Variants in NRXN1 observed in about 807,000 individuals in gnomAD.
The protein encoded by NRXN1 is neurexin-1.
Under a neutral mutation model 150.9 loss-of-function variants are expected in NRXN1, and 39 were observed. That is an observed-to-expected ratio of 0.26 (90% CI 0.20 to 0.34). The LOEUF (loss-of-function observed/expected upper bound fraction) is 0.34, where lower values mean the gene tolerates loss of function less well. Ranked by LOEUF, NRXN1 falls within the 10% of genes least tolerant of loss-of-function variation. The pLI, the probability that NRXN1 is intolerant of heterozygous loss-of-function variation, is 1.00. For missense variants in NRXN1, 1,815 were observed against 1,949.9 expected (o/e 0.93, Z 1.30); for synonymous variants, 924 against 757.0 (o/e 1.22, Z -3.62).
intron 17 of NRXN1, among the ~76,000 whole-genome samples, chr2:50,249,908 G>T (rs1228029826): frequency 6.6e-6 from 1 of 152,012 alleles, no homozygotes; most frequent in Non-Finnish European, 1.5e-5. Flanking sequence ...AAAGTGTTGG[G>T]ATTACAGGCG....
chr2:50,536,853 A>G (rs1391519441), intron 10 of NRXN1, among the ~76,000 whole-genome samples: 1 of 152,182 alleles, frequency 6.6e-6, no homozygotes, highest in Non-Finnish European at 1.5e-5. Flanking sequence ...ACTAAACTAT[A>G]TAGAAATAGC....
chr2:50,579,598 A>G (rs1255487761), intron 8 of NRXN1, among the ~76,000 whole-genome samples: 3 of 152,208 alleles, frequency 2.0e-5, no homozygotes, highest in African/African-American at 7.2e-5. Context: ...ATAGTGAGCC[A>G]AGATCACACC....
At chr2:50,530,076 T>C (rs2105197648) in intron 11 of NRXN1, among the ~76,000 whole-genome samples, 1 of 152,256 alleles carries the variant, frequency 6.6e-6, no homozygotes, top group Non-Finnish European at 1.5e-5. Flanking sequence ...TCAAATTTCA[T>C]TTTTCCCTCT....
intron 18 of NRXN1, among the ~76,000 whole-genome samples, chr2:50,134,156 A>C (rs1706007480): frequency 6.6e-6 from 1 of 152,084 alleles, no homozygotes; most frequent in South Asian, 2.1e-4. Flanking sequence ...TCAGTAAAGG[A>C]ATATAACTAT....
intron 17 of NRXN1, among the ~76,000 whole-genome samples, chr2:50,415,468 G>C (rs757533738): frequency 1.1e-4 from 16 of 152,116 alleles, no homozygotes; most frequent in Non-Finnish European, 1.6e-4. Context: ...CAGAAGCTGT[G>C]ATAAAGATAT....
chr2:49,983,820 C>A (rs1375648258), intron 21 of NRXN1, among the ~76,000 whole-genome samples: 1 of 152,092 alleles, frequency 6.6e-6, no homozygotes, highest in Non-Finnish European at 1.5e-5. Flanking sequence ...TAACATATAT[C>A]ACTGTGCATT....
chr2:50,793,712 T>C (rs1706392542), intron 5 of NRXN1, among the ~76,000 whole-genome samples: 1 of 152,044 alleles, frequency 6.6e-6, no homozygotes, highest in East Asian at 1.9e-4. Context: ...TGAGTAAGAA[T>C]AGCCATTGAA....
intron 18 of NRXN1, among the ~76,000 whole-genome samples, chr2:50,168,743 A>T (rs1405927346): frequency 1.3e-5 from 2 of 152,186 alleles, no homozygotes; most frequent in African/African-American, 2.4e-5. Flanking sequence ...CAAGCCCAGG[A>T]CTTACATGAA....
intron 8 of NRXN1, among the ~76,000 whole-genome samples, chr2:50,582,548 A>G (rs1266074205): frequency 6.6e-6 from 1 of 151,842 alleles, no homozygotes; most frequent in Non-Finnish European, 1.5e-5. Context: ...GAATAAAACA[A>G]AAATAGCAAA....
At chr2:50,726,032 T>C (rs1697323007) in intron 5 of NRXN1, among the ~76,000 whole-genome samples, 1 of 152,126 alleles carries the variant, frequency 6.6e-6, no homozygotes, top group Admixed American at 6.6e-5. Context: ...CATAGAAGCT[T>C]TGTCTTGGGG....
At chr2:50,803,677 G>A (rs1667120091) in intron 5 of NRXN1, among the ~76,000 whole-genome samples, 1 of 152,158 alleles carries the variant, frequency 6.6e-6, no homozygotes, top group Non-Finnish European at 1.5e-5. Flanking sequence ...AATAAACCAT[G>A]CTGTTTGAGG....
At chr2:50,985,067 C>T (rs955646667) in intron 2 of NRXN1, among the ~76,000 whole-genome samples, 1 of 151,620 alleles carries the variant, frequency 6.6e-6, no homozygotes, top group Admixed American at 6.6e-5. Context: ...CAGAAGAGTG[C>T]TAGAAAACAA....
At chr2:50,732,604 C>A (rs929966188) in intron 5 of NRXN1, among the ~76,000 whole-genome samples, 2 of 152,122 alleles carry the variant, frequency 1.3e-5, no homozygotes, top group Non-Finnish European at 2.9e-5. Flanking sequence ...GGAAAGAACT[C>A]CTCCTAGCTT....
intron 17 of NRXN1, among the ~76,000 whole-genome samples, chr2:50,411,287 C>G (rs952165667): frequency 2.0e-5 from 3 of 152,178 alleles, no homozygotes; most frequent in African/African-American, 4.8e-5. Flanking sequence ...CTTGGCCTCC[C>G]GAGGTGCCGG....
intron 2 of NRXN1, among the ~76,000 whole-genome samples, chr2:50,957,933 AAAC>A (rs1692527718): frequency 6.6e-6 from 1 of 152,148 alleles, no homozygotes; most frequent in Non-Finnish European, 1.5e-5. Context: ...TGAAAATAAA[AAAC>A]AAGGGATCAT....
chr2:50,895,170 G>T (rs752342797), intron 5 of NRXN1, among the ~76,000 whole-genome samples: 2 of 152,058 alleles, frequency 1.3e-5, no homozygotes, highest in African/African-American at 2.4e-5. Context: ...CATCTCAAAC[G>T]CTGTAAGAGT....
intron 21 of NRXN1, among the ~76,000 whole-genome samples, chr2:50,014,495 C>T (rs1686244572): frequency 1.3e-5 from 2 of 152,038 alleles, no homozygotes; most frequent in African/African-American, 2.4e-5. Context: ...CACCAGATGC[C>T]AGTAATCACA....
intron 2 of NRXN1, among the ~76,000 whole-genome samples, chr2:50,979,868 T>C (rs1469141626): frequency 6.6e-6 from 1 of 152,132 alleles, no homozygotes; most frequent in Admixed American, 6.6e-5. Context: ...GAAGCACACA[T>C]AATGGTTTCA....
At chr2:50,468,372 A>G (rs1247918096) in intron 16 of NRXN1, among the ~76,000 whole-genome samples, 1 of 151,616 alleles carries the variant, frequency 6.6e-6, no homozygotes, top group Non-Finnish European at 1.5e-5. Context: ...TAGTCTTTAT[A>G]TTCAGGAATT....
Sources: allele counts gnomAD v4.1 joint callset (sites outside exome capture counted in the v4.1 genomes callset), GRCh38; gene constraint gnomAD v4.1.1; transcripts MANE v1.5; gene names NCBI Gene and HGNC (gene_info 2026-07-23, HGNC 2026-07-21).